Variants in ELP6 observed in about 807,000 individuals in gnomAD.
The protein encoded by ELP6 is elongator acetyltransferase complex subunit 6.
Under a neutral mutation model 28.1 loss-of-function variants are expected in ELP6, and 23 were observed. That is an observed-to-expected ratio of 0.82 (90% CI 0.59 to 1.16). The LOEUF is 1.16. ELP6 is among the 50% of genes most tolerant of loss of function. The pLI, the probability that ELP6 is intolerant of heterozygous loss-of-function variation, is 0.00. For missense variants in ELP6, 313 were observed against 334.6 expected, an observed-to-expected ratio of 0.94 and a Z score of 0.50; for synonymous variants, 132 against 135.8, an observed-to-expected ratio of 0.97 and a Z score of 0.19.
chr3:47,513,192 A>C, intron 1 of ELP6: 1 of 1,056,654 alleles, frequency 9.5e-7, no homozygotes, highest in Non-Finnish European at 1.2e-6. Flanking sequence ...GGGTTTCACC[A>C]TCTTGGCCAG....
Position 47,510,227 on chromosome 3 carries a change from A to T in ELP6, c.161T>A (p.Leu54His). 6.2e-7 allele frequency: 1 copy of T among 1,614,030 alleles called. No individual in the cohort carries two copies. The highest frequency in any genetic ancestry group is 8.5e-7 in the Non-Finnish European group (1 of 1,179,894). Reference protein sequence around the residue: ...KANCKVCFVALIQSFSHYSIV... With the variant: ...KANCKVCFVAHIQSFSHYSIV... ...ACTGTAGTGGCTGAAGGACTGGATG[A>T]GTGCCACAAAGCAGACTTTACAATT... Residue 54 changes from leucine (L) to histidine (H), a missense_variant, in exon 3 of 7, where the codon CTC becomes CAC. By Grantham distance (99) the Leu-to-His change is moderately conservative. Transcript: ENST00000296149.
At chr3:47,502,197 TGAG>T (rs1208675515) in intron 4 of ELP6, among the ~76,000 whole-genome samples, 1 of 150,020 alleles carries the variant, frequency 6.7e-6, no homozygotes, top group Non-Finnish European at 1.5e-5. Context: ...TCACTTGAGG[TGAG>T]GAGTTCGAGA....
rs755155617 is a variant in ELP6, at chr3:47,498,202, C to T, written c.672+84G>A. 9 of 1,547,788 alleles carry T rather than the reference C, an allele frequency of 5.8e-6. No individual in the cohort carries two copies. The East Asian group carries it at 2.1e-4, about 36-fold the overall frequency. On this transcript the variant is annotated intron_variant, in intron 6 of 6. Coordinates refer to ENST00000296149, the MANE Select transcript of ELP6 (RefSeq NM_001031703.3). ...TGAAGTCATGTCCCAACCAGACAGTCCCTCAGGCCTGACTCTCCCCTATGT... is the reference window on the plus strand; with the variant it reads ...TGAAGTCATGTCCCAACCAGACAGTTCCTCAGGCCTGACTCTCCCCTATGT...
In ELP6 at chr3:47,503,312, G is replaced by A. The variant is rs1314171211; in HGVS notation, c.323+1018C>T. On this transcript the variant is annotated intron_variant, in intron 4 of 6. Coordinates refer to ENST00000296149, the MANE Select transcript of ELP6 (RefSeq NM_001031703.3). The stretch of plus-strand genomic sequence containing the variant: ...CTGTGTGGACCACTTTGTAGTGGAC[G>A]AAGAACAGCAGCCAAGCGGGGAGTC... 6.2e-6 allele frequency: 8 copies of A among 1,288,384 alleles called. No homozygotes were observed. In the East Asian group the frequency reaches 1.7e-4, roughly 27 times the overall value. 79.8% of individuals were successfully genotyped at this position (1,288,384 alleles called of 1,614,324 possible). A position where few individuals can be genotyped will look rare whatever the true frequency, so the allele number is the denominator to read the frequency against.
At chr3:47,511,552 C>A (rs1007289028) in intron 1 of ELP6, 4 of 910,600 alleles carry the variant, frequency 4.4e-6, no homozygotes, top group Admixed American at 6.2e-5. Context: ...AGAATTGGAT[C>A]CTGAACAAAG....
At chr3:47,506,533 T>C (rs983851808) in intron 3 of ELP6, among the ~76,000 whole-genome samples, 2 of 152,224 alleles carry the variant, frequency 1.3e-5, no homozygotes, top group African/African-American at 4.8e-5. Context: ...GGATGTTCCT[T>C]GCTGAGAAAA....
At chr3:47,501,008 G>A (rs1043716403) in intron 5 of ELP6, among the ~76,000 whole-genome samples, 1 of 152,156 alleles carries the variant, frequency 6.6e-6, no homozygotes, top group Admixed American at 6.5e-5. Flanking sequence ...TTGCAGTCAG[G>A]TACCTGTGAG....
chr3:47,511,896 G>C (rs1709027418), intron 1 of ELP6: 1 of 985,334 alleles, frequency 1.0e-6, no homozygotes, highest in Admixed American at 6.2e-5. Flanking sequence ...TCCTTGCCGT[G>C]TGACCTTCCA....
chr3:47,513,386 T>C (rs2029954599), intron 1 of ELP6, 151 bp downstream of exon 1: 8 of 1,429,572 alleles, frequency 5.6e-6, no homozygotes, highest in Non-Finnish European at 7.3e-6. Flanking sequence ...TCCAGTCCAA[T>C]CCCCGGGTCG....
chr3:47,513,328 G>A (rs1048354838), intron 1 of ELP6: 39 of 1,386,938 alleles, frequency 2.8e-5, no homozygotes, highest in South Asian at 5.0e-5. Context: ...CACAGCCGTT[G>A]AGAATATGCG....
chr3:47,502,397 C>T, intron 4 of ELP6: 3 of 940,754 alleles, frequency 3.2e-6, no homozygotes, highest in Non-Finnish European at 3.7e-6. Flanking sequence ...ACCTGGGCAA[C>T]AAAATGAGAC....
intron 1 of ELP6, chr3:47,512,718 C>T: frequency 1.0e-6 from 1 of 981,952 alleles, no homozygotes; most frequent in Admixed American, 6.1e-5. Flanking sequence ...TGGCTCTGTC[C>T]TGCTTCTAAC....
rs1344641107 is a variant in ELP6, at chr3:47,498,139, A to C, written c.672+147T>G. On this transcript the variant is annotated intron_variant, in intron 6 of 6. Transcript: ENST00000296149. Reference sequence around the variant, plus strand: ...AAGCGCAATCTGGAGCAGGTCTATTACCTGAAGTCTCACAATTTCCAGTGT... The same window carrying C: ...AAGCGCAATCTGGAGCAGGTCTATTCCCTGAAGTCTCACAATTTCCAGTGT... The C allele has an allele frequency of 8.7e-6, 12 of 1,379,760 alleles. No homozygotes were observed. The Admixed American group carries it at 1.7e-4, about 19-fold the overall frequency. 85.5% of individuals were successfully genotyped at this position (1,379,760 alleles called of 1,614,324 possible). A position where few individuals can be genotyped will look rare whatever the true frequency, so the allele number is the denominator to read the frequency against.
intron 5 of ELP6, chr3:47,500,132 T>C (rs1419329163): frequency 8.6e-7 from 1 of 1,163,498 alleles, no homozygotes; most frequent in Non-Finnish European, 1.1e-6. Context: ...AAATTATAAA[T>C]CAGGACCAGA....
rs190094370 is a variant in ELP6, at chr3:47,500,353, C to T, written c.525+1297G>A. 1.4e-4 allele frequency: 68 copies of T among 501,876 alleles called. 1 individual carries two copies. In the East Asian group the frequency reaches 7.9e-3, roughly 58 times the overall value. 31.1% of individuals were successfully genotyped at this position (501,876 alleles called of 1,614,324 possible). ...TCACCTGAGCCCAGGAGTTCAAGAT[C>T]AGCTTGGGCAACATAGTGAGACCAA... On this transcript the variant is annotated intron_variant, in intron 5 of 6. Transcript: ENST00000296149.
intron 5 of ELP6, chr3:47,500,547 T>C (rs1708619186): frequency 1.3e-5 from 2 of 152,212 alleles, no homozygotes; most frequent in Admixed American, 1.3e-4. Flanking sequence ...TGCCCAAGTT[T>C]TACTTTTTCA....
At chr3:47,509,387 C>T (rs950222522) in intron 3 of ELP6, among the ~76,000 whole-genome samples, 2 of 152,220 alleles carry the variant, frequency 1.3e-5, no homozygotes, top group African/African-American at 4.8e-5. Context: ...GTGAAGTCCA[C>T]CTAGTAACAG....
At chr3:47,507,976 A>G (rs190228239) in intron 3 of ELP6, among the ~76,000 whole-genome samples, 5 of 115,522 alleles carry the variant, frequency 4.3e-5, no homozygotes, top group Middle Eastern at 5.0e-3. Context: ...GCGAACACAC[A>G]GCTATCTCAT....
At chr3:47,501,984 G>T in intron 4 of ELP6, 133 bp from the exon 5 acceptor site, 2 of 821,528 alleles carry the variant, frequency 2.4e-6, no homozygotes, top group East Asian at 2.7e-5. Context: ...AAGACTTCAT[G>T]ATCTGGTTAG....
Sources: gnomAD v4.1 joint callset for allele counts (sites outside exome capture counted in the v4.1 genomes callset) on GRCh38, gnomAD v4.1.1 for gene constraint, MANE v1.5 for transcripts, NCBI Gene and HGNC (gene_info 2026-07-23, HGNC 2026-07-21) for gene names.